The following RASSF3 variants were observed in gnomAD, a reference collection of about 807,000 sequenced individuals.
RASSF3 encodes the protein ras association domain-containing protein 3.
RASSF3 carries 19 observed loss-of-function variants against 19.9 expected under a neutral mutation model. The observed-to-expected ratio is 0.96, with a 90% CI of 0.67 to 1.40. The LOEUF is 1.40. RASSF3 is among the 40% of genes most tolerant of loss of function. The pLI is 0.00. For missense variants in RASSF3, 306 were observed against 289.8 expected (o/e 1.06, Z -0.41); for synonymous variants, 110 against 104.2 (o/e 1.06, Z -0.34).
At chr12:64,641,143 C>T (rs1217983434) in intron 1 of RASSF3, among the ~76,000 whole-genome samples, 2 of 152,084 alleles carry the variant, frequency 1.3e-5, no homozygotes, top group Non-Finnish European at 2.9e-5. Flanking sequence ...GGCCTGTAAT[C>T]CCAGCACTTT....
chr12:64,631,744 A>G (rs1436436405), intron 1 of RASSF3, among the ~76,000 whole-genome samples: 2 of 151,832 alleles, frequency 1.3e-5, no homozygotes, highest in African/African-American at 4.8e-5. Flanking sequence ...TAATTTTTGT[A>G]TTTTTAGTAG....
intron 1 of RASSF3, among the ~76,000 whole-genome samples, chr12:64,521,258 A>C (rs1868473407): frequency 6.6e-6 from 1 of 152,200 alleles, no homozygotes; most frequent in Non-Finnish European, 1.5e-5. Flanking sequence ...GTGCTCCTAA[A>C]GTGGACAGGT....
At position 64,651,910 on chromosome 12, in the gene RASSF3, CT is replaced by C. The variant is rs570179374; in HGVS notation, c.112-32875del. On this transcript the variant is annotated intron_variant, in intron 1 of 4. Coordinates refer to ENST00000542104, the MANE Select transcript of RASSF3 (RefSeq NM_178169.4). ...GACTGGGCTCAAGCAATCCTCCTGCCTTGGCCTCCCAAAGTGCTGGGATAAC... is the reference window on the plus strand; with the variant it reads ...GACTGGGCTCAAGCAATCCTCCTGCCTGGCCTCCCAAAGTGCTGGGATAAC... Among the ~76,000 whole-genome samples, 681 of 152,322 alleles carry C rather than the reference CT, an allele frequency of 4.5e-3. 10 individuals carry two copies. Among genetic ancestry groups the C allele is most frequent in the African/African-American group, 0.015 (630 of 41,570 alleles).
At chr12:64,520,758 C>CA (rs1868462596) in intron 1 of RASSF3, among the ~76,000 whole-genome samples, 1 of 151,634 alleles carries the variant, frequency 6.6e-6, no homozygotes, top group Non-Finnish European at 1.5e-5. Flanking sequence ...AGAGAAGGAC[C>CA]AAAAAACCAA....
At chr12:64,596,956 C>T (rs1870007821) in intron 2 of RASSF3, among the ~76,000 whole-genome samples, 1 of 151,820 alleles carries the variant, frequency 6.6e-6, no homozygotes, top group South Asian at 2.1e-4. Flanking sequence ...CTCGAACTCT[C>T]AACCTCAGGT....
intron 1 of RASSF3, chr12:64,629,831 G>A (rs986822023): frequency 6.6e-5 from 10 of 151,902 alleles, no homozygotes; most frequent in African/African-American, 2.4e-4. Flanking sequence ...TGGGCATGGT[G>A]TGTGCGCCTG....
chr12:64,660,165 G>A (rs1039171274), intron 1 of RASSF3, among the ~76,000 whole-genome samples: 4 of 151,770 alleles, frequency 2.6e-5, no homozygotes, highest in African/African-American at 4.8e-5. Context: ...TGATCCGCCC[G>A]CCTCTGCCTC....
At chr12:64,588,133 G>T (rs558397565) in intron 2 of RASSF3, among the ~76,000 whole-genome samples, 2 of 152,206 alleles carry the variant, frequency 1.3e-5, no homozygotes, top group South Asian at 2.1e-4. Flanking sequence ...CTGGAGTGCA[G>T]TGGCACCATC....
intron 1 of RASSF3, among the ~76,000 whole-genome samples, chr12:64,673,835 A>G (rs763292884): frequency 1.3e-5 from 2 of 151,852 alleles, no homozygotes; most frequent in Non-Finnish European, 2.9e-5. Flanking sequence ...GTAATCTGGT[A>G]TGCCTTGAGG....
intron 1 of RASSF3, among the ~76,000 whole-genome samples, chr12:64,631,010 A>T (rs1871151283): frequency 6.6e-6 from 1 of 152,230 alleles, no homozygotes. Flanking sequence ...CTTATCAAGA[A>T]GGTAGACCTG....
chr12:64,654,887 T>TA (rs1011952947), intron 1 of RASSF3: 46 of 152,056 alleles, frequency 3.0e-4, no homozygotes, highest in African/African-American at 1.0e-3. Flanking sequence ...TAAAATAAAA[T>TA]ACAATGTAAA....
intron 1 of RASSF3, among the ~76,000 whole-genome samples, chr12:64,523,696 A>G (rs1315549981): frequency 6.6e-6 from 1 of 152,038 alleles, no homozygotes; most frequent in African/African-American, 2.4e-5. Flanking sequence ...AATGTTTTCA[A>G]TTTAATTTTT....
chr12:64,535,745 T>C (rs1349734083), intron 1 of RASSF3, among the ~76,000 whole-genome samples: 3 of 151,062 alleles, frequency 2.0e-5, no homozygotes. Context: ...TGGAGTGCAA[T>C]GGCATGATCT....
intron 1 of RASSF3, among the ~76,000 whole-genome samples, chr12:64,612,592 C>T (rs906301800): frequency 2.7e-5 from 4 of 150,472 alleles, no homozygotes; most frequent in African/African-American, 9.8e-5. Context: ...TCCCTTGCCT[C>T]AGCTTCCCGA....
chr12:64,694,859 G>T lies in RASSF3; in HGVS notation c.664G>T (p.Ala222Ser), dbSNP rs766150447. 2.2e-5 allele frequency: 36 copies of T among 1,614,242 alleles called. No homozygotes were observed. The East Asian group carries it at 7.4e-4, about 33-fold the overall frequency. Residue 222 changes from alanine to serine, a missense_variant, in exon 5 of 5, where the codon GCC (alanine) becomes TCC (serine). Physicochemically the swap from Ala to Ser is moderately conservative, Grantham distance 99. Coordinates refer to ENST00000542104, the MANE Select transcript of RASSF3 (RefSeq NM_178169.4). Reference protein sequence around the residue: ...QLQNLKRRYTAYRQKLEEALR... With the variant: ...QLQNLKRRYTSYRQKLEEALR... ...GCAGAACCTGAAGAGGCGCTACACAGCCTACAGGCAGAAGCTGGAAGAAGC... is the reference window on the plus strand; with the variant it reads ...GCAGAACCTGAAGAGGCGCTACACATCCTACAGGCAGAAGCTGGAAGAAGC...
intron 2 of RASSF3, among the ~76,000 whole-genome samples, chr12:64,571,915 G>A (rs1023528349): frequency 3.3e-5 from 5 of 152,174 alleles, no homozygotes; most frequent in African/African-American, 1.2e-4. Flanking sequence ...TTCTGCTGGT[G>A]CCAGAATCAC....
chr12:64,691,660 T>C, intron 4 of RASSF3, 81 bp downstream of exon 4: 7 of 253,488 alleles, frequency 2.8e-5, no homozygotes, highest in Non-Finnish European at 4.8e-5. Context: ...GACTTGGCTA[T>C]TGATGGGGGA....
At chr12:64,569,605 A>G (rs1168364327) in intron 2 of RASSF3, among the ~76,000 whole-genome samples, 1 of 152,266 alleles carries the variant, frequency 6.6e-6, no homozygotes, top group Non-Finnish European at 1.5e-5. Context: ...CAAGAATACG[A>G]GTATCTTAAA....
intron 1 of RASSF3, among the ~76,000 whole-genome samples, chr12:64,522,922 C>T (rs1196245218): frequency 6.6e-6 from 1 of 152,142 alleles, no homozygotes; most frequent in Non-Finnish European, 1.5e-5. Flanking sequence ...TGCTGGGACC[C>T]TTTGGAAATC....
Sources: allele counts gnomAD v4.1 joint callset (sites outside exome capture counted in the v4.1 genomes callset), GRCh38; gene constraint gnomAD v4.1.1; transcripts MANE v1.5; gene names NCBI Gene and HGNC (gene_info 2026-07-23, HGNC 2026-07-21).